AHRR: variants seen among roughly 807,000 people sequenced by gnomAD.
AHRR encodes the protein ahR repressor.
Under a neutral mutation model 44.0 loss-of-function variants are expected in AHRR, and 28 were observed. That is an observed-to-expected ratio of 0.64 (90% CI 0.47 to 0.87). The LOEUF (loss-of-function observed/expected upper bound fraction) is 0.87, where lower values mean the gene tolerates loss of function less well. Among genes scored for constraint, AHRR ranks in the 40% least tolerant of loss-of-function variants. The pLI is 0.00. For synonymous variants in AHRR, 434 were observed against 407.0 expected (o/e 1.07, Z -0.80); for missense variants, 990 against 953.9 (o/e 1.04, Z -0.50).
intron 1 of AHRR, among the ~76,000 whole-genome samples, chr5:333,634 T>C (rs1457748071): frequency 6.6e-6 from 1 of 152,198 alleles, no homozygotes; most frequent in Non-Finnish European, 1.5e-5. Context: ...TTAACCTGTT[T>C]ACCTTCAAGG....
At chr5:415,767 C>A (rs1181012039) in intron 5 of AHRR, among the ~76,000 whole-genome samples, 1 of 152,072 alleles carries the variant, frequency 6.6e-6, no homozygotes, top group Admixed American at 6.6e-5. Context: ...CCACGAACCA[C>A]CCCGCTCGCC....
Position 376,623 on chromosome 5 carries a change from G to C in AHRR, c.258G>C (p.Gln86His). The C allele has an allele frequency of 9.1e-6, 11 of 1,208,384 alleles. No homozygotes were observed. Among genetic ancestry groups the C allele is most frequent in the Non-Finnish European group, 7.3e-6 (7 of 952,602 alleles). 74.9% of individuals were successfully genotyped at this position (1,208,384 alleles called of 1,614,324 possible). A position where few individuals can be genotyped will look rare whatever the true frequency, so the allele number is the denominator to read the frequency against. ...VKSFFQVVQE[Q>H]SSRQPAAGAP... is the part of the protein sequence containing the mutation. ...CTTCTCTGACAGTCGTGCAGGAGCA[G>C]AGCTCACGGCAGCCTGCGGCCGGCG... Residue 86 changes from glutamine (Q) to histidine (H), a missense_variant, in exon 4 of 11, where the codon CAG (glutamine) becomes CAC (histidine). Transcript: ENST00000684583.
intron 4 of AHRR, among the ~76,000 whole-genome samples, chr5:380,507 G>A (rs976347936): frequency 6.6e-6 from 1 of 151,954 alleles, no homozygotes; most frequent in African/African-American, 2.4e-5. Context: ...TATGTTCATC[G>A]GTGTTTTGTA....
In AHRR at chr5:353,870, G is replaced by T. The variant is rs760528891; in HGVS notation, c.203G>T (p.Arg68Leu). Residue 68 changes from arginine to leucine, a missense_variant, in exon 3 of 11, where the codon CGC (arginine) becomes CTC (leucine). Transcript: ENST00000684583. ...ISKLDKLSVL[R>L]LSVSYLRVKS... is the part of the protein sequence containing the mutation. ...AAGCTGGACAAGCTTTCTGTCCTGC[G>T]CCTCAGTGTCAGTTACCTCCGGGTG... The T allele has an allele frequency of 1.2e-6, 2 of 1,613,936 alleles. No homozygotes were observed. Among genetic ancestry groups the T allele is most frequent in the Admixed American group, 1.7e-5 (1 of 59,998 alleles).
At chr5:333,216 C>T (rs1161060515) in intron 1 of AHRR, among the ~76,000 whole-genome samples, 1 of 152,094 alleles carries the variant, frequency 6.6e-6, no homozygotes, top group Non-Finnish European at 1.5e-5. Flanking sequence ...CCTATGTGTG[C>T]CTTTAGTGGT....
Position 384,711 on chromosome 5 carries a change from G to A in AHRR, c.351+7995G>A, listed in dbSNP as rs186322704. 2.7e-4 allele frequency among the ~76,000 whole-genome samples: 41 copies of A among 151,846 alleles called. 1 individual carries two copies. The highest frequency in any genetic ancestry group is 9.4e-4 in the African/African-American group (39 of 41,456). On this transcript the variant is annotated intron_variant, in intron 4 of 10. Coordinates refer to ENST00000684583, the MANE Select transcript of AHRR (RefSeq NM_001377236.1). ...TGCTGGGATTACAGCCACCGCACCC[G>A]GCCCAGACAATATAGTCATAAATAT...
chr5:336,437 A>G (rs909010201), intron 1 of AHRR, among the ~76,000 whole-genome samples: 10 of 152,216 alleles, frequency 6.6e-5, no homozygotes, highest in African/African-American at 2.4e-4. Context: ...TGTGCTTGAA[A>G]TGCTTCTAGT....
Position 377,816 on chromosome 5 carries a change from A to G in AHRR, c.351+1100A>G, listed in dbSNP as rs375355434. Among the ~76,000 whole-genome samples the G allele has an allele frequency of 1.4e-4, 21 of 152,344 alleles. 1 individual carries two copies. In the East Asian group the frequency reaches 3.3e-3, roughly 24 times the overall value. ...CTGGACTTCCCACCCTGCTCCCAGC[A>G]GCGTGGGATATTTTGGAGCTACCTT... is the stretch of plus-strand genomic sequence containing the variant. On this transcript the variant is annotated intron_variant, in intron 4 of 10. Coordinates refer to ENST00000684583, the MANE Select transcript of AHRR (RefSeq NM_001377236.1).
intron 4 of AHRR, among the ~76,000 whole-genome samples, chr5:391,423 G>A (rs1734440907): frequency 8.4e-6 from 1 of 119,526 alleles, no homozygotes; most frequent in Admixed American, 7.8e-5. Context: ...GAGCGTGCAC[G>A]GGGGCAGGGC....
At chr5:382,448 T>G (rs1233456646) in intron 4 of AHRR, among the ~76,000 whole-genome samples, 1 of 152,248 alleles carries the variant, frequency 6.6e-6, no homozygotes, top group Non-Finnish European at 1.5e-5. Context: ...GAGTTGTTCA[T>G]GACATTACCA....
chr5:427,224 C>T (rs1484076980), intron 7 of AHRR, among the ~76,000 whole-genome samples: 1 of 152,226 alleles, frequency 6.6e-6, no homozygotes, highest in Non-Finnish European at 1.5e-5. Flanking sequence ...CTAAATTATA[C>T]ATCAGCCTTC....
At chr5:363,719 T>TC (rs1743260266) in intron 3 of AHRR, among the ~76,000 whole-genome samples, 1 of 152,172 alleles carries the variant, frequency 6.6e-6, no homozygotes, top group South Asian at 2.1e-4. Flanking sequence ...CTTGCAGGCC[T>TC]CGTGAAACCC....
rs750906312 is a variant in AHRR at position 434,190 on chromosome 5, C to T, written c.1450C>T (p.Pro484Ser). Residue 484 changes from proline to serine, a missense_variant, in exon 11 of 11, where the codon CCC (proline) becomes TCC (serine). Pro to Ser is a moderately conservative substitution (Grantham distance 74, BLOSUM62 -1). Coordinates refer to ENST00000684583, the MANE Select transcript of AHRR (RefSeq NM_001377236.1). ...DQVHPPLCHF[P>S]QRSLQHQLPQ... The stretch of plus-strand genomic sequence containing the variant: ...GGTGCACCCTCCCCTCTGCCACTTT[C>T]CCCAGAGGAGCCTGCAGCACCAGCT... 31 of 1,594,154 alleles carry T rather than the reference C, an allele frequency of 1.9e-5. No individual in the cohort carries two copies. The highest frequency in any genetic ancestry group is 2.5e-5 in the Non-Finnish European group (29 of 1,170,244).
chr5:367,473 G>A (rs556308849), intron 3 of AHRR, among the ~76,000 whole-genome samples: 29 of 152,368 alleles, frequency 1.9e-4, no homozygotes, highest in African/African-American at 6.7e-4. Flanking sequence ...GCTGCAGTGC[G>A]TGGTCAAGGG....
chr5:376,548 A>G (rs1733682070), intron 3 of AHRR, 62 bp from the exon 4 acceptor site: 10 of 1,416,380 alleles, frequency 7.1e-6, no homozygotes, highest in South Asian at 4.2e-5. Context: ...AAAGATGTGA[A>G]TGAAGAAGAG....
intron 2 of AHRR, 106 bp downstream of exon 2, chr5:344,070 G>T (rs1048882452): frequency 1.6e-6 from 2 of 1,256,584 alleles, no homozygotes; most frequent in Middle Eastern, 2.1e-4. Context: ...AGCGAGGAAG[G>T]CTTCGGGAGC....
chr5:427,556 A>G, intron 7 of AHRR: 1 of 1,553,408 alleles, frequency 6.4e-7, no homozygotes. Flanking sequence ...GAACCTGTCA[A>G]AGGCCGTCGC....
chr5:421,189 C>T, intron 5 of AHRR: 1 of 642,958 alleles, frequency 1.6e-6, no homozygotes, highest in Non-Finnish European at 2.8e-6. Context: ...TGGTGCCGGG[C>T]AGGAGGCCCT....
chr5:364,356 T>A (rs1743283122), intron 3 of AHRR, among the ~76,000 whole-genome samples: 1 of 152,140 alleles, frequency 6.6e-6, no homozygotes, highest in African/African-American at 2.4e-5. Flanking sequence ...ATCAAACACC[T>A]TGTGTAAAAT....
Sources: allele counts gnomAD v4.1 joint callset (sites outside exome capture counted in the v4.1 genomes callset), GRCh38; gene constraint gnomAD v4.1.1; transcripts MANE v1.5; gene names NCBI Gene and HGNC (gene_info 2026-07-23, HGNC 2026-07-21).